The following ADAMTS2 variants were observed in gnomAD, a reference collection of about 807,000 sequenced individuals.
ADAMTS2 encodes A disintegrin and metalloproteinase with thrombospondin motifs 2.
ADAMTS2 carries 50 observed loss-of-function variants against 123.0 expected under a neutral mutation model. That is an observed-to-expected ratio of 0.41 (90% CI 0.32 to 0.51). The LOEUF is 0.51. ADAMTS2 is among the 20% of genes least tolerant of loss of function. The pLI is 0.35. For missense variants in ADAMTS2, 1,494 were observed against 1,705.2 expected, an observed-to-expected ratio of 0.88 and a Z score of 2.18; for synonymous variants, 678 against 695.4, an observed-to-expected ratio of 0.98 and a Z score of 0.39.
Position 179,130,216 on chromosome 5 carries a change from G to T in ADAMTS2, c.2291-118C>A. 1 of 1,311,764 alleles carries T rather than the reference G, an allele frequency of 7.6e-7. No individual in the cohort carries two copies. The highest frequency in any genetic ancestry group is 1.1e-6 in the Non-Finnish European group (1 of 929,166). The allele number at this position is 1,311,764 out of a possible 1,614,324, so 81.3% of individuals were successfully genotyped here. A position where few individuals can be genotyped will look rare whatever the true frequency, so the allele number is the denominator to read the frequency against. ...AGCTGGACCCCTTGTCTCTCTGGCT[G>T]CCCCCGGCCAGTTTCCTCTGTGCCA... On this transcript the variant is annotated intron_variant, in intron 15 of 21. Coordinates refer to ENST00000251582, the MANE Select transcript of ADAMTS2 (RefSeq NM_014244.5). This position sits in a 1 kb window ranked among gnomAD's most constrained non-coding sequence, Gnocchi z 4.3.
At chr5:179,322,638 T>C (rs781728191) in intron 2 of ADAMTS2, among the ~76,000 whole-genome samples, 94 of 152,194 alleles carry the variant, frequency 6.2e-4, no homozygotes, top group Non-Finnish European at 1.3e-3. Context: ...TGGCTGCCTC[T>C]GTAATATAAG....
intron 3 of ADAMTS2, among the ~76,000 whole-genome samples, chr5:179,261,119 A>G (rs935859540): frequency 5.9e-5 from 9 of 152,310 alleles, no homozygotes; most frequent in East Asian, 1.9e-4. Context: ...TGTATCGAAC[A>G]TGACAGAAAG....
intron 2 of ADAMTS2, among the ~76,000 whole-genome samples, chr5:179,327,397 C>G (rs1047266213): frequency 6.6e-6 from 1 of 152,172 alleles, no homozygotes; most frequent in South Asian, 2.1e-4. Flanking sequence ...CCACATCCCC[C>G]GTAGAAACTC....
At chr5:179,191,695 G>A (rs907118270) in intron 4 of ADAMTS2, among the ~76,000 whole-genome samples, 16 of 152,132 alleles carry the variant, frequency 1.1e-4, no homozygotes, top group Non-Finnish European at 2.2e-4. Flanking sequence ...TATCCCTACC[G>A]CTGCCCCCGC....
chr5:179,279,880 C>A (rs1231449815), intron 2 of ADAMTS2, among the ~76,000 whole-genome samples: 1 of 152,238 alleles, frequency 6.6e-6, no homozygotes, highest in Non-Finnish European at 1.5e-5. Flanking sequence ...GGGACGCCAG[C>A]GGGCAGGAGC....
intron 4 of ADAMTS2, 33 bp downstream of exon 4, chr5:179,207,480 G>T (rs375799467): frequency 7.6e-5 from 35 of 459,696 alleles, no homozygotes; most frequent in Admixed American, 2.7e-4. Flanking sequence ...GACCCTCCCC[G>T]CCCCACCCTG....
At position 179,129,872 on chromosome 5, in the gene ADAMTS2, C is replaced by T. The variant is rs1255079500; in HGVS notation, c.2457+60G>A. On this transcript the variant is annotated intron_variant, in intron 16 of 21. Transcript: ENST00000251582. The surrounding 1 kb of genome is among the most constrained non-coding windows in gnomAD (Gnocchi z 4.1). ...AGGAGGCTCAGCGTCCCAGGCACCC[C>T]CATCCCTCCCCCAGTGGCCACCCGC... is the stretch of plus-strand genomic sequence containing the variant. 1 of 1,604,746 alleles carries T rather than the reference C, an allele frequency of 6.2e-7. No homozygotes were observed. The highest frequency in any genetic ancestry group is 1.3e-5 in the African/African-American group (1 of 74,896).
intron 1 of ADAMTS2, 135 bp from the exon 2 acceptor site, chr5:179,344,296 G>T: frequency 1.6e-6 from 2 of 1,213,966 alleles, no homozygotes; most frequent in Non-Finnish European, 2.3e-6. Flanking sequence ...GACCCCAGAA[G>T]CCAGCCTGCA....
At position 179,208,550 on chromosome 5, in the gene ADAMTS2, G is replaced by A. The variant is rs62397463; in HGVS notation, c.689-835C>T. On this transcript the variant is annotated intron_variant, in intron 3 of 21. Coordinates refer to ENST00000251582, the MANE Select transcript of ADAMTS2 (RefSeq NM_014244.5). Reference sequence around the variant, plus strand: ...GCTGCCATCCTGGGGAGTCTGCCCCGGATATCGTCCCTGCCTTCTGTGCAG... The same window carrying A: ...GCTGCCATCCTGGGGAGTCTGCCCCAGATATCGTCCCTGCCTTCTGTGCAG... Among the ~76,000 whole-genome samples the A allele has an allele frequency of 7.0e-3, 1,069 of 152,246 alleles. 7 individuals carry two copies. Among genetic ancestry groups the A allele is most frequent in the Non-Finnish European group, 0.011 (772 of 67,994 alleles).
At chr5:179,198,891 GC>G (rs1764493657) in intron 4 of ADAMTS2, among the ~76,000 whole-genome samples, 1 of 150,760 alleles carries the variant, frequency 6.6e-6, no homozygotes, top group Non-Finnish European at 1.5e-5. Flanking sequence ...ACAAGGGCCC[GC>G]CCCCTGCCTG....
At chr5:179,178,265 C>G (rs560584783) in intron 5 of ADAMTS2, among the ~76,000 whole-genome samples, 2 of 97,382 alleles carry the variant, frequency 2.1e-5, no homozygotes, top group South Asian at 3.6e-4. Context: ...AAAGATCCCC[C>G]CCGCACCTCC....
chr5:179,247,036 C>T (rs2113462211), intron 3 of ADAMTS2, among the ~76,000 whole-genome samples: 1 of 152,256 alleles, frequency 6.6e-6, no homozygotes, highest in Admixed American at 6.5e-5. Context: ...ATAAAAAAGA[C>T]CTTCCCTGAG....
In ADAMTS2 at chr5:179,225,157, G is replaced by A. The variant is rs1306605803; in HGVS notation, c.689-17442C>T. On this transcript the variant is annotated intron_variant, in intron 3 of 21. Transcript: ENST00000251582. The surrounding 1 kb of genome is among the most constrained non-coding windows in gnomAD (Gnocchi z 4.5). ...GGCAACTAACACTCAGCACGCACCA[G>A]GCTCCTCCTCCCTCTCATGGACTCT... Among the ~76,000 whole-genome samples the A allele has an allele frequency of 1.3e-5, 2 of 152,284 alleles. No homozygotes were observed. The highest frequency in any genetic ancestry group is 3.9e-4 in the East Asian group (2 of 5,180).
rs750471731 is a variant in ADAMTS2 at position 179,154,932 on chromosome 5, A to C, written c.1133-13T>G. On this transcript the variant is annotated splice_polypyrimidine_tract_variant and intron_variant, in intron 6 of 21. Coordinates refer to ENST00000251582, the MANE Select transcript of ADAMTS2 (RefSeq NM_014244.5). ...ACAGGAGCATAGCCTGGGAGGAGAC[A>C]AGAGGCGGCTCCAGATGCTGCCATA... 1 of 1,609,838 alleles carries C rather than the reference A, an allele frequency of 6.2e-7. No individual in the cohort carries two copies. The highest frequency in any genetic ancestry group is 8.5e-7 in the Non-Finnish European group (1 of 1,178,230).
intron 2 of ADAMTS2, among the ~76,000 whole-genome samples, chr5:179,319,192 C>CA (rs1757087040): frequency 6.8e-6 from 1 of 146,704 alleles, no homozygotes; most frequent in African/African-American, 2.8e-5. Flanking sequence ...ACCATGCAGA[C>CA]GCATGCACAC....
intron 13 of ADAMTS2, 35 bp downstream of exon 13, chr5:179,135,874 A>G: frequency 6.2e-7 from 1 of 1,612,178 alleles, no homozygotes; most frequent in Non-Finnish European, 8.5e-7. Flanking sequence ...GAGACTTGAC[A>G]CGGTAGCCCC....
intron 3 of ADAMTS2, among the ~76,000 whole-genome samples, chr5:179,238,584 G>C (rs2113445573): frequency 6.6e-6 from 1 of 152,300 alleles, no homozygotes; most frequent in African/African-American, 2.4e-5. Flanking sequence ...TGAGGTGGGA[G>C]GGTGAGCTGA....
At chr5:179,230,736 C>T (rs543618134) in intron 3 of ADAMTS2, among the ~76,000 whole-genome samples, 149 of 152,350 alleles carry the variant, frequency 9.8e-4, no homozygotes, top group African/African-American at 3.4e-3. Flanking sequence ...TCAAGGCCTG[C>T]GCAGTGGCTC....
chr5:179,163,884 G>C (rs1291832918), intron 5 of ADAMTS2, among the ~76,000 whole-genome samples: 1 of 152,160 alleles, frequency 6.6e-6, no homozygotes, highest in African/African-American at 2.4e-5. Flanking sequence ...TTCTGGCTTT[G>C]GGGTTCTGAG....
Sources: gnomAD v4.1 joint callset for allele counts (sites outside exome capture counted in the v4.1 genomes callset) on GRCh38, gnomAD v4.1.1 for gene constraint, Gnocchi (gnomAD v3.1) non-coding constraint, MANE v1.5 for transcripts, NCBI Gene and HGNC (gene_info 2026-07-23, HGNC 2026-07-21) for gene names.